The following GFRA2 variants were observed in gnomAD, a reference collection of about 807,000 sequenced individuals.
GFRA2 encodes GDNF family receptor alpha 2.
A neutral mutation model predicts 48.3 loss-of-function variants in GFRA2; 17 were observed. That is an observed-to-expected ratio of 0.35 (90% CI 0.24 to 0.53). The LOEUF (loss-of-function observed/expected upper bound fraction) is 0.53. Among genes scored for constraint, GFRA2 ranks in the 20% least tolerant of loss-of-function variants. The pLI, the probability that GFRA2 is intolerant of heterozygous loss-of-function variation, is 0.93. For missense variants in GFRA2, 660 were observed against 637.3 expected (o/e 1.04, Z -0.38); for synonymous variants, 305 against 257.2 (o/e 1.19, Z -1.78).
Position 21,717,962 on chromosome 8 carries a change from T to A in GFRA2, c.795-11921A>T, listed in dbSNP as rs992225832. Among the ~76,000 whole-genome samples the A allele has an allele frequency of 2.6e-5, 4 of 152,214 alleles. No homozygotes were observed. The South Asian group carries it at 6.2e-4, about 24-fold the overall frequency. ...ATGAGATCCAATTTCTAAAGTCACA[T>A]TGACTGTGTTTGAACCTTGGCTCAG... On this transcript the variant is annotated intron_variant, in intron 4 of 8. Coordinates refer to ENST00000524240, the MANE Select transcript of GFRA2 (RefSeq NM_001495.5).
chr8:21,757,487 T>G (rs866572990), intron 3 of GFRA2, among the ~76,000 whole-genome samples: 28 of 151,392 alleles, frequency 1.8e-4, no homozygotes, highest in African/African-American at 6.5e-4. Flanking sequence ...AATTGATTTT[T>G]TCTTTAAATT....
chr8:21,712,973 G>A (rs1242762988), intron 4 of GFRA2, among the ~76,000 whole-genome samples: 1 of 151,718 alleles, frequency 6.6e-6, no homozygotes, highest in Non-Finnish European at 1.5e-5. Context: ...TCCAGCTTCG[G>A]CTCGGCATCA....
chr8:21,760,231 A>G (rs994542647), intron 3 of GFRA2, among the ~76,000 whole-genome samples: 9 of 152,144 alleles, frequency 5.9e-5, no homozygotes, highest in African/African-American at 1.9e-4. Flanking sequence ...AGCGCTGGAG[A>G]GCATTAAGGA....
chr8:21,779,820 A>T (rs1806885929), intron 2 of GFRA2: 1 of 151,880 alleles, frequency 6.6e-6, no homozygotes, highest in African/African-American at 2.4e-5. Context: ...CTGGTCAGGG[A>T]TCCCCCTCTA....
chr8:21,709,213 G>C (rs1417509044), intron 4 of GFRA2, among the ~76,000 whole-genome samples: 1 of 152,210 alleles, frequency 6.6e-6, no homozygotes, highest in Non-Finnish European at 1.5e-5. Flanking sequence ...TCATGCATCA[G>C]GCCCAGCTCT....
At chr8:21,764,864 G>A (rs1306115797) in intron 3 of GFRA2, among the ~76,000 whole-genome samples, 1 of 152,060 alleles carries the variant, frequency 6.6e-6, no homozygotes, top group Non-Finnish European at 1.5e-5. Context: ...CCCCTTCCTA[G>A]CAAAGCTTGA....
rs185420166 is a variant in GFRA2, at chr8:21,700,552, G to A, written c.1218+2253C>T. On this transcript the variant is annotated intron_variant, in intron 7 of 8. Transcript: ENST00000524240. ...GAACCAGAAGGTGGCCAGGAGGCAG[G>A]GTTGCTGGCCCTTCTCGACTGCCAA... Among the ~76,000 whole-genome samples, 1,405 of 152,318 alleles carry A rather than the reference G, an allele frequency of 9.2e-3. 7 individuals are homozygous for A. The highest frequency in any genetic ancestry group is 0.015 in the Non-Finnish European group (991 of 68,026).
At chr8:21,736,355 A>T (rs144969211) in intron 4 of GFRA2, among the ~76,000 whole-genome samples, 1 of 152,286 alleles carries the variant, frequency 6.6e-6, no homozygotes, top group East Asian at 1.9e-4. Flanking sequence ...GTGTGACATC[A>T]TTTTTGTTCA....
At chr8:21,759,441 G>C (rs904096977) in intron 3 of GFRA2, among the ~76,000 whole-genome samples, 1 of 83,150 alleles carries the variant, frequency 1.2e-5, no homozygotes, top group African/African-American at 5.7e-5. Flanking sequence ...AAAGAGGGAG[G>C]GAGAGAGGGA....
intron 1 of GFRA2, among the ~76,000 whole-genome samples, chr8:21,787,379 G>C (rs1807335719): frequency 6.6e-6 from 1 of 151,548 alleles, no homozygotes; most frequent in African/African-American, 2.4e-5. Flanking sequence ...CCTCCCTCCC[G>C]CCTCTTCCCA....
upstream of GFRA2, among the ~76,000 whole-genome samples, chr8:21,790,621 C>T (rs1049028052): frequency 1.2e-4 from 18 of 152,186 alleles, no homozygotes; most frequent in African/African-American, 3.4e-4. Flanking sequence ...GGGCATCGAC[C>T]TTCCTCCCTC....
chr8:21,764,671 C>T (rs1223067811), intron 3 of GFRA2, among the ~76,000 whole-genome samples: 2 of 152,242 alleles, frequency 1.3e-5, no homozygotes, highest in African/African-American at 4.8e-5. Context: ...CCCATCCCTC[C>T]TCACTTATTG....
At chr8:21,801,498 G>A (rs1807769196) in intron 2 of GFRA2, among the ~76,000 whole-genome samples, 2 of 152,148 alleles carry the variant, frequency 1.3e-5, no homozygotes, top group African/African-American at 2.4e-5. Flanking sequence ...CATGCAGGCA[G>A]AAGAGGGGCA....
chr8:21,786,099 G>T lies in GFRA2; in HGVS notation c.40+2021C>A, dbSNP rs769268586. ...AAACTGAAGGGCTGTGGAGCAAGGGGATGCTGAGCCTGCTGCTCTTCTGCT... is the reference window on the plus strand; with the variant it reads ...AAACTGAAGGGCTGTGGAGCAAGGGTATGCTGAGCCTGCTGCTCTTCTGCT... On this transcript the variant is annotated intron_variant, in intron 1 of 8. Coordinates refer to ENST00000524240, the MANE Select transcript of GFRA2 (RefSeq NM_001495.5). 2.0e-4 allele frequency among the ~76,000 whole-genome samples: 30 copies of T among 152,338 alleles called. No homozygotes were observed. The South Asian group carries it at 2.3e-3, about 12-fold the overall frequency.
chr8:21,694,636 C>T, intron 7 of GFRA2, 119 bp from the exon 8 acceptor site: 1 of 890,566 alleles, frequency 1.1e-6, no homozygotes, highest in Middle Eastern at 2.1e-4. Context: ...ACAGCCAGCG[C>T]ACACGGTGAA....
intron 3 of GFRA2, among the ~76,000 whole-genome samples, chr8:21,752,796 C>T (rs1034615738): frequency 6.6e-6 from 1 of 152,186 alleles, no homozygotes; most frequent in African/African-American, 2.4e-5. Flanking sequence ...GAAACAACTG[C>T]ATCCTTCCAG....
At chr8:21,742,888 G>A (rs561886931) in intron 4 of GFRA2, among the ~76,000 whole-genome samples, 2 of 152,278 alleles carry the variant, frequency 1.3e-5, no homozygotes, top group South Asian at 4.1e-4. Flanking sequence ...CAGATGCCTT[G>A]AGAGAAGCCT....
chr8:21,794,233 C>CTTTT lies in GFRA2; in HGVS notation c.-35-6043_-35-6040dup, dbSNP rs1159236794. Among the ~76,000 whole-genome samples, 107 of 66,994 alleles carry CTTTT rather than the reference C, an allele frequency of 1.6e-3. 11 individuals carry two copies. The highest frequency in any genetic ancestry group is 5.1e-3 in the African/African-American group (86 of 16,808). 44.0% of individuals were successfully genotyped at this position (66,994 alleles called of 152,430 possible). ...AAAATTAAGCTTATCCTGAGAGTGA[C>CTTTT]TTTTTTTTTTTTTTTTTTTTTTTTT... On this transcript the variant is annotated intron_variant, in intron 2 of 10. Transcript: ENST00000517328.
chr8:21,796,487 A>G (rs1807679877), intron 2 of GFRA2, among the ~76,000 whole-genome samples: 1 of 152,244 alleles, frequency 6.6e-6, no homozygotes. Flanking sequence ...CTGTCACTCA[A>G]AAGGCACAGG....
Sources: allele counts gnomAD v4.1 joint callset (sites outside exome capture counted in the v4.1 genomes callset), GRCh38; gene constraint gnomAD v4.1.1; transcripts MANE v1.5; gene names NCBI Gene and HGNC (gene_info 2026-07-23, HGNC 2026-07-21).